Variants in COPS3 observed in about 807,000 individuals in gnomAD.
COPS3 encodes the protein COP9 signalosome complex subunit 3.
Under a neutral mutation model 58.2 loss-of-function variants are expected in COPS3, and 10 were observed. The observed-to-expected ratio is 0.17, with a 90% CI of 0.11 to 0.29. The LOEUF (loss-of-function observed/expected upper bound fraction) is 0.29. COPS3 is among the 10% of genes least tolerant of loss of function. The pLI, the probability that COPS3 is intolerant of heterozygous loss-of-function variation, is 1.00. For synonymous variants in COPS3, 187 were observed against 181.7 expected, an observed-to-expected ratio of 1.03 and a Z score of -0.24; for missense variants, 333 against 510.1, an observed-to-expected ratio of 0.65 and a Z score of 3.34.
intron 2 of COPS3, among the ~76,000 whole-genome samples, chr17:17,271,924 T>C (rs538256427): frequency 2.2e-4 from 30 of 133,344 alleles, no homozygotes; most frequent in African/African-American, 4.3e-4. Context: ...ATTAAACATA[T>C]ATGTTTTATA....
chr17:17,269,446 A>G (rs1011717016), intron 4 of COPS3, among the ~76,000 whole-genome samples: 1 of 150,352 alleles, frequency 6.7e-6, no homozygotes, highest in Admixed American at 6.6e-5. Flanking sequence ...CAAAACAAAA[A>G]TCAGCTGGGA....
intron 1 of COPS3, 43 bp from the exon 2 acceptor site, chr17:17,276,207 T>C: frequency 6.2e-7 from 1 of 1,607,268 alleles, no homozygotes; most frequent in Non-Finnish European, 8.5e-7. Flanking sequence ...GCTACAGCAC[T>C]AACCAAACTG....
rs1166467453 is a variant in COPS3 at position 17,260,539 on chromosome 17, C to CA, written c.763-66dup. On this transcript the variant is annotated intron_variant, in intron 7 of 11. Transcript: ENST00000268717. The stretch of plus-strand genomic sequence containing the variant: ...TCAGAAGAGGCCAGGTGTGGGGACT[C>CA]ACGCCTGTAATCTCAACACTTTGGG... 9 of 1,520,660 alleles carry CA rather than the reference C, an allele frequency of 5.9e-6. No homozygotes were observed. The African/African-American group carries it at 9.6e-5, about 16-fold the overall frequency. The allele number at this position is 1,520,660 out of a possible 1,614,324, so 94.2% of individuals were successfully genotyped here.
intron 6 of COPS3, among the ~76,000 whole-genome samples, chr17:17,262,878 G>A (rs2048132831): frequency 1.3e-5 from 2 of 151,816 alleles, no homozygotes; most frequent in Admixed American, 1.3e-4. Context: ...TTACTGGCAT[G>A]AGCCACCACG....
chr17:17,259,548 T>C (rs984773276), intron 8 of COPS3, among the ~76,000 whole-genome samples: 38 of 152,182 alleles, frequency 2.5e-4, no homozygotes, highest in African/African-American at 9.2e-4. Context: ...TGCACAAAGT[T>C]TGTACAACCC....
At chr17:17,257,961 C>T (rs1412400888) in intron 8 of COPS3, among the ~76,000 whole-genome samples, 1 of 152,144 alleles carries the variant, frequency 6.6e-6, no homozygotes, top group Non-Finnish European at 1.5e-5. Context: ...GTTGAGACTT[C>T]TTTGGATTTT....
intron 5 of COPS3, among the ~76,000 whole-genome samples, chr17:17,267,636 A>C (rs985357696): frequency 5.6e-5 from 2 of 35,498 alleles, no homozygotes; most frequent in Non-Finnish European, 2.0e-4. Flanking sequence ...AGACTGTCTC[A>C]AAAAAAAAAA....
At chr17:17,247,608 G>T in intron 10 of COPS3, 48 bp from the exon 11 acceptor site, 1 of 1,569,436 alleles carries the variant, frequency 6.4e-7, no homozygotes. Context: ...GTTTAGGTCA[G>T]CTGCATCCTT....
chr17:17,261,574 TA>T, intron 7 of COPS3: 1 of 339,522 alleles, frequency 2.9e-6, no homozygotes, highest in Admixed American at 3.8e-5. Context: ...CAAAACAAAA[TA>T]AAGGCCAGGC....
In COPS3 at chr17:17,251,510, C is replaced by A. The variant is rs542286718; in HGVS notation, c.1024-2471G>T. Among the ~76,000 whole-genome samples, 260 of 151,476 alleles carry A rather than the reference C, an allele frequency of 1.7e-3. 4 individuals are homozygous for A. The South Asian group carries it at 0.025, about 15-fold the overall frequency. On this transcript the variant is annotated intron_variant, in intron 9 of 11. Coordinates refer to ENST00000268717, the MANE Select transcript of COPS3 (RefSeq NM_003653.4). The stretch of plus-strand genomic sequence containing the variant: ...ACGGGGTTTCACCATGTTGGCCAGG[C>A]TGGTCTTGAACTCCTGACCTCAGGT...
At chr17:17,262,926 G>A (rs1342591631) in intron 6 of COPS3, among the ~76,000 whole-genome samples, 1 of 150,638 alleles carries the variant, frequency 6.6e-6, no homozygotes, top group Non-Finnish European at 1.5e-5. Context: ...TTGAGGACGA[G>A]TCTCTGTTAC....
rs112064325 is a variant in COPS3 at position 17,261,725 on chromosome 17, G to A, written c.762+241C>T. ...AAAAAAAAAAAATCAACTGTTATAG[G>A]AGCTTAAACATCTATAGCTGTAAGT... On this transcript the variant is annotated intron_variant, in intron 7 of 11. Transcript: ENST00000268717. 2.1e-3 allele frequency: 984 copies of A among 473,164 alleles called. 8 individuals carry two copies. The highest frequency in any genetic ancestry group is 0.017 in the African/African-American group (873 of 49,910). 29.3% of individuals were successfully genotyped at this position (473,164 alleles called of 1,614,324 possible). A position where few individuals can be genotyped will look rare whatever the true frequency, so the allele number is the denominator to read the frequency against.
chr17:17,251,421 A>G (rs754743226), intron 9 of COPS3, among the ~76,000 whole-genome samples: 3 of 151,904 alleles, frequency 2.0e-5, no homozygotes, highest in African/African-American at 7.3e-5. Context: ...CAGCCTCCCA[A>G]GTAGCTGGGA....
Position 17,280,574 on chromosome 17 carries a change from G to T in COPS3, c.55+558C>A, listed in dbSNP as rs182377746. On this transcript the variant is annotated intron_variant, in intron 1 of 11. Coordinates refer to ENST00000268717, the MANE Select transcript of COPS3 (RefSeq NM_003653.4). ...CAAAGAAGAAGAAATGGAGTCCTACGAGCGAGAGCTTCCGCAGCATTCTGT... is the reference window on the plus strand; with the variant it reads ...CAAAGAAGAAGAAATGGAGTCCTACTAGCGAGAGCTTCCGCAGCATTCTGT... 2,459 of 1,286,216 alleles carry T rather than the reference G, an allele frequency of 1.9e-3. 4 individuals are homozygous for T. The highest frequency in any genetic ancestry group is 3.8e-3 in the Middle Eastern group (15 of 3,998). 79.7% of individuals were successfully genotyped at this position (1,286,216 alleles called of 1,614,324 possible). A position where few individuals can be genotyped will look rare whatever the true frequency, so the allele number is the denominator to read the frequency against.
At chr17:17,267,092 CT>C (rs2048239221) in intron 5 of COPS3, among the ~76,000 whole-genome samples, 1 of 151,470 alleles carries the variant, frequency 6.6e-6, no homozygotes, top group Admixed American at 6.6e-5. Flanking sequence ...AATCCCAGCA[CT>C]TTGGGAGGCT....
At chr17:17,272,163 C>A (rs2048367283) in intron 2 of COPS3, among the ~76,000 whole-genome samples, 1 of 152,142 alleles carries the variant, frequency 6.6e-6, no homozygotes. Context: ...TGGCTCACGC[C>A]TATAATCCCA....
intron 9 of COPS3, 32 bp downstream of exon 9, chr17:17,254,827 A>AAAAAAAAAAAAAAAAAAAG: frequency 7.0e-7 from 1 of 1,424,522 alleles, no homozygotes; most frequent in Non-Finnish European, 9.6e-7. Flanking sequence ...AAAAAAAAAA[A>AAAAAAAAAAAAAAAAAAAG]AAAAAGAAAA....
chr17:17,280,863 C>T lies in COPS3; in HGVS notation c.55+269G>A, dbSNP rs922577343. The T allele has an allele frequency of 2.7e-6, 3 of 1,128,970 alleles. No homozygotes were observed. In the African/African-American group the frequency reaches 4.8e-5, roughly 18 times the overall value. 69.9% of individuals were successfully genotyped at this position (1,128,970 alleles called of 1,614,324 possible). A position where few individuals can be genotyped will look rare whatever the true frequency, so the allele number is the denominator to read the frequency against. ...GCCCCCAAACTGTCAAGCAAAGCGC[C>T]CGGTGGAAGGGGCCCAGGCCGGGGG... On this transcript the variant is annotated intron_variant, in intron 1 of 11. Coordinates refer to ENST00000268717, the MANE Select transcript of COPS3 (RefSeq NM_003653.4).
At chr17:17,261,441 G>A (rs1453988134) in intron 7 of COPS3, among the ~76,000 whole-genome samples, 1 of 152,114 alleles carries the variant, frequency 6.6e-6, no homozygotes, top group Admixed American at 6.6e-5. Flanking sequence ...CAGGAGAATC[G>A]CTTGAACCCG....
Sources: allele counts gnomAD v4.1 joint callset (sites outside exome capture counted in the v4.1 genomes callset), GRCh38; gene constraint gnomAD v4.1.1; transcripts MANE v1.5; gene names NCBI Gene and HGNC (gene_info 2026-07-23, HGNC 2026-07-21).